Variants in GPD2 observed in about 807,000 individuals in gnomAD.
GPD2 encodes glycerol-3-phosphate dehydrogenase 2, also known as glycerol-3-phosphate dehydrogenase, mitochondrial.
Under a neutral mutation model 82.4 loss-of-function variants are expected in GPD2, and 54 were observed. The ratio of observed to expected loss-of-function variants is 0.66; its 90% CI spans 0.53 to 0.82. GPD2 has a LOEUF of 0.82. Among genes scored for constraint, GPD2 ranks in the 40% least tolerant of loss-of-function variants. GPD2 has a pLI of 0.00. For synonymous variants in GPD2, 288 were observed against 306.1 expected (o/e 0.94, Z 0.62); for missense variants, 748 against 896.2 (o/e 0.83, Z 2.11).
At chr2:156,488,754 G>A (rs1344409728) in intron 2 of GPD2, among the ~76,000 whole-genome samples, 1 of 151,900 alleles carries the variant, frequency 6.6e-6, no homozygotes, top group Non-Finnish European at 1.5e-5. Flanking sequence ...GTTCTTTGTA[G>A]GTGTTCATGT....
At chr2:156,527,738 A>G (rs537137401) in intron 6 of GPD2, among the ~76,000 whole-genome samples, 2 of 152,282 alleles carry the variant, frequency 1.3e-5, no homozygotes, top group South Asian at 4.1e-4. Flanking sequence ...TGATATTTTT[A>G]TGTCAAAGAT....
At chr2:156,474,886 TAGG>T (rs1000106623) in intron 1 of GPD2, among the ~76,000 whole-genome samples, 1 of 149,922 alleles carries the variant, frequency 6.7e-6, no homozygotes, top group Non-Finnish European at 1.5e-5. Flanking sequence ...GAAGCCAAGG[TAGG>T]AGATTGCTTG....
intron 6 of GPD2, among the ~76,000 whole-genome samples, chr2:156,515,849 CA>C (rs1450349981): frequency 6.6e-6 from 1 of 152,104 alleles, no homozygotes; most frequent in African/African-American, 2.4e-5. Flanking sequence ...TGAGGTGAGG[CA>C]AAACAAGCAT....
chr2:156,546,306 G>T (rs1686531534), intron 6 of GPD2, among the ~76,000 whole-genome samples: 1 of 152,140 alleles, frequency 6.6e-6, no homozygotes, highest in Admixed American at 6.5e-5. Context: ...ATTAGGTGGG[G>T]GTTTGGGATT....
intron 1 of GPD2, among the ~76,000 whole-genome samples, chr2:156,468,161 C>T (rs1222125860): frequency 6.6e-6 from 1 of 152,106 alleles, no homozygotes; most frequent in African/African-American, 2.4e-5. Context: ...TGCTAAAACA[C>T]ATCTAGTTCA....
At chr2:156,408,977 T>C in the GPD2 span, among the ~76,000 whole-genome samples, 1 of 152,186 alleles carries the variant, frequency 6.6e-6, no homozygotes, top group Admixed American at 6.5e-5. Context: ...CCAATAGGAC[T>C]GGTGTCCTTA....
intron 13 of GPD2, 30 bp downstream of exon 13, chr2:156,571,322 T>C (rs201917232): frequency 1.7e-5 from 25 of 1,449,856 alleles, no homozygotes; most frequent in African/African-American, 4.2e-5. Flanking sequence ...AAAACCACAA[T>C]TCCTATTGTA....
chr2:156,550,660 C>T lies in GPD2; in HGVS notation c.885C>T (p.Asp295=). ...TCAATGCCACGGGACCTTTCACGGACTCTGTGCGCAAAATGGATGATAAAG... is the reference window on the plus strand; with the variant it reads ...TCAATGCCACGGGACCTTTCACGGATTCTGTGCGCAAAATGGATGATAAAG... ...CVINATGPFT[D]SVRKMDDKDA... is the part of the protein sequence containing the mutation. The change falls in exon 8 of 17, where the codon GAC becomes GAT. Residue 295 remains aspartate (D), a synonymous_variant. Coordinates refer to ENST00000438166, the MANE Select transcript of GPD2 (RefSeq NM_000408.5). The T allele has an allele frequency of 6.2e-7, 1 of 1,613,830 alleles. No homozygotes were observed. Among genetic ancestry groups the T allele is most frequent in the South Asian group, 1.1e-5 (1 of 91,074 alleles).
chr2:156,579,231 C>G (rs908426784), intron 15 of GPD2, 67 bp downstream of exon 15: 4 of 888,178 alleles, frequency 4.5e-6, no homozygotes, highest in Non-Finnish European at 7.5e-6. Flanking sequence ...ATGTTTTTCT[C>G]ATCTAGGGTT....
At chr2:156,451,332 G>A (rs1185153203) in intron 1 of GPD2, among the ~76,000 whole-genome samples, 2 of 147,066 alleles carry the variant, frequency 1.4e-5, no homozygotes, top group Admixed American at 6.7e-5. Context: ...GCGGCTGGCC[G>A]GGCGGGGGTG....
the GPD2 span, among the ~76,000 whole-genome samples, chr2:156,415,675 GA>G: frequency 6.6e-6 from 1 of 151,960 alleles, no homozygotes; most frequent in African/African-American, 2.4e-5. Flanking sequence ...GACCAACGTG[GA>G]AAAACCCCGT....
chr2:156,471,965 A>T (rs1033446912), intron 1 of GPD2, among the ~76,000 whole-genome samples: 1 of 152,244 alleles, frequency 6.6e-6, no homozygotes, highest in Non-Finnish European at 1.5e-5. Flanking sequence ...GCTCTGGTCT[A>T]TGTCAATGCA....
intron 15 of GPD2, 85 bp downstream of exon 15, chr2:156,579,249 A>T: frequency 1.3e-6 from 1 of 777,966 alleles, no homozygotes; most frequent in South Asian, 1.6e-5. Flanking sequence ...GTTTTCTACA[A>T]GTAATATTTT....
At chr2:156,551,717 A>G (rs189175041) in intron 8 of GPD2, among the ~76,000 whole-genome samples, 23 of 152,338 alleles carry the variant, frequency 1.5e-4, no homozygotes, top group African/African-American at 4.8e-4. Context: ...AAGAATTATA[A>G]TTATAAATAC....
At chr2:156,476,271 G>C (rs1229063425) in intron 2 of GPD2, 64 bp downstream of exon 2, 3 of 874,260 alleles carry the variant, frequency 3.4e-6, no homozygotes, top group African/African-American at 1.6e-5. Flanking sequence ...GCTGTCTATG[G>C]GGAATGTGTG....
chr2:156,545,123 C>T (rs1686480836), intron 6 of GPD2, among the ~76,000 whole-genome samples: 1 of 152,078 alleles, frequency 6.6e-6, no homozygotes, highest in Non-Finnish European at 1.5e-5. Flanking sequence ...CACACGCATG[C>T]CTACACACAC....
intron 2 of GPD2, among the ~76,000 whole-genome samples, chr2:156,488,911 T>C (rs1364565182): frequency 1.3e-5 from 2 of 152,232 alleles, no homozygotes; most frequent in East Asian, 1.9e-4. Flanking sequence ...CAAAGTATTA[T>C]TACATATTAG....
At chr2:156,495,591 T>A in intron 2 of GPD2, 1 of 463,846 alleles carries the variant, frequency 2.2e-6, no homozygotes, top group African/African-American at 2.0e-5. Flanking sequence ...AACTGAGGAA[T>A]GAAGAATGTA....
intron 6 of GPD2, among the ~76,000 whole-genome samples, chr2:156,528,206 A>G (rs1423262737): frequency 2.0e-5 from 3 of 152,042 alleles, no homozygotes; most frequent in Non-Finnish European, 4.4e-5. Flanking sequence ...TGTAAGAAAC[A>G]TGTCTATTGT....
Sources: gnomAD v4.1 joint callset for allele counts (sites outside exome capture counted in the v4.1 genomes callset) on GRCh38, gnomAD v4.1.1 for gene constraint, MANE v1.5 for transcripts, NCBI Gene and HGNC (gene_info 2026-07-23, HGNC 2026-07-21) for gene names.